The following ETV6 variants were observed in gnomAD, a reference collection of about 807,000 sequenced individuals.
ETV6 encodes the protein transcription factor ETV6.
A neutral mutation model predicts 51.1 loss-of-function variants in ETV6; 16 were observed. The observed-to-expected ratio is 0.31, with a 90% CI of 0.21 to 0.48. The LOEUF (loss-of-function observed/expected upper bound fraction) is 0.48. Ranked by LOEUF, ETV6 falls within the 20% of genes least tolerant of loss-of-function variation. The pLI, the probability that ETV6 is intolerant of heterozygous loss-of-function variation, is 0.99. For synonymous variants in ETV6, 240 were observed against 224.1 expected (o/e 1.07, Z -0.64); for missense variants, 458 against 594.8 (o/e 0.77, Z 2.39).
intron 1 of ETV6, among the ~76,000 whole-genome samples, chr12:11,651,979 AAG>A (rs1368785381): frequency 6.6e-6 from 1 of 152,148 alleles, no homozygotes; most frequent in Non-Finnish European, 1.5e-5. Flanking sequence ...CAGTCGGAAA[AAG>A]AGTACAACAG....
intron 4 of ETV6, among the ~76,000 whole-genome samples, chr12:11,865,612 A>G (rs1255845382): frequency 2.0e-5 from 3 of 148,352 alleles, no homozygotes; most frequent in African/African-American, 7.4e-5. Context: ...GCGTAGGCTT[A>G]TATATACTAT....
rs2710279 is a variant in ETV6 at position 11,795,930 on chromosome 12, A to G, written c.164-43210A>G. ...ACACAGCAAGGACTCAGTAAATGTT[A>G]GCCAAGAGGGGAGGAAGGAGGCTGC... On this transcript the variant is annotated intron_variant, in intron 2 of 7. Coordinates refer to ENST00000396373, the MANE Select transcript of ETV6 (RefSeq NM_001987.5). 1.0e-2 allele frequency among the ~76,000 whole-genome samples: 1,521 copies of G among 152,336 alleles called. 25 individuals are homozygous for G. Among genetic ancestry groups the G allele is most frequent in the African/African-American group, 0.035 (1,437 of 41,568 alleles).
At chr12:11,734,044 C>T (rs568242024) in intron 1 of ETV6, among the ~76,000 whole-genome samples, 248 of 152,312 alleles carry the variant, frequency 1.6e-3, no homozygotes, top group African/African-American at 5.7e-3. Flanking sequence ...GATGGATTAT[C>T]TGATTGCACC....
chr12:11,675,588 G>T (rs753225034), intron 1 of ETV6, among the ~76,000 whole-genome samples: 45 of 152,140 alleles, frequency 3.0e-4, no homozygotes, highest in Admixed American at 3.9e-4. Context: ...AAGGCAGGAG[G>T]ATCACTTGAA....
chr12:11,854,684 A>G (rs542252441), intron 4 of ETV6, among the ~76,000 whole-genome samples: 1 of 152,226 alleles, frequency 6.6e-6, no homozygotes, highest in African/African-American at 2.4e-5. Flanking sequence ...TTAGCTTGGA[A>G]CCAGAGTGTG....
At chr12:11,878,524 T>C (rs1218282367) in intron 5 of ETV6, among the ~76,000 whole-genome samples, 12 of 152,182 alleles carry the variant, frequency 7.9e-5, no homozygotes, top group Non-Finnish European at 1.0e-4. Context: ...CGGATACCGG[T>C]GTTTCCAAGC....
At chr12:11,749,872 A>T (rs1222599011) in intron 1 of ETV6, among the ~76,000 whole-genome samples, 1 of 152,166 alleles carries the variant, frequency 6.6e-6, no homozygotes, top group Non-Finnish European at 1.5e-5. Context: ...CTAGAAGCAC[A>T]TTGTGCATTT....
chr12:11,771,242 A>C (rs771869442), intron 2 of ETV6, among the ~76,000 whole-genome samples: 2 of 152,244 alleles, frequency 1.3e-5, no homozygotes. Flanking sequence ...CCCACTCCAC[A>C]CTGTAATTTT....
At chr12:11,737,868 C>CT (rs1455696619) in intron 1 of ETV6, among the ~76,000 whole-genome samples, 3 of 152,176 alleles carry the variant, frequency 2.0e-5, no homozygotes, top group African/African-American at 2.4e-5. Flanking sequence ...CCCCTGCCCA[C>CT]TTTTTTTGTA....
intron 1 of ETV6, among the ~76,000 whole-genome samples, chr12:11,693,262 A>G (rs1864803033): frequency 6.6e-6 from 1 of 152,122 alleles, no homozygotes; most frequent in Non-Finnish European, 1.5e-5. Context: ...GGCCGTGGCA[A>G]GTGGTTGGCT....
chr12:11,750,607 C>G (rs1003874360), intron 1 of ETV6, among the ~76,000 whole-genome samples: 1 of 152,150 alleles, frequency 6.6e-6, no homozygotes, highest in Non-Finnish European at 1.5e-5. Flanking sequence ...AAACAGAAAG[C>G]TATTTCCGAG....
intron 2 of ETV6, chr12:11,825,735 T>G (rs956630119): frequency 1.3e-5 from 2 of 152,168 alleles, no homozygotes; most frequent in African/African-American, 4.8e-5. Flanking sequence ...AAACAGGATT[T>G]GAATTTCGTT....
At chr12:11,780,341 A>C (rs1181442287) in intron 2 of ETV6, among the ~76,000 whole-genome samples, 2 of 152,162 alleles carry the variant, frequency 1.3e-5, no homozygotes, top group African/African-American at 4.8e-5. Flanking sequence ...ATCCTTTTTT[A>C]CTGCCCTGGG....
chr12:11,666,678 A>G (rs963219765), intron 1 of ETV6, among the ~76,000 whole-genome samples: 1 of 152,218 alleles, frequency 6.6e-6, no homozygotes, highest in African/African-American at 2.4e-5. Context: ...CCATTGAGGT[A>G]CAGCTGGGAT....
Position 11,890,958 on chromosome 12 carries a change from A to G in ETV6, c.1271A>G (p.Asp424Gly). ...RLLFRFMKTP[D>G]EIMSGRTDRL... ...TTCCAAAGGTTTATGAAAACCCCAG[A>G]TGAAATCATGAGTGGCCGAACAGAC... Residue 424 changes from aspartate to glycine, a missense_variant, in exon 8 of 8, where the codon GAT becomes GGT. Around this residue, in one of 4 missense-constraint regions of ETV6, gnomAD observed 55 missense variants for 151.2 expected, o/e 0.36. Coordinates refer to ENST00000396373, the MANE Select transcript of ETV6 (RefSeq NM_001987.5). 6.2e-7 allele frequency: 1 copy of G among 1,613,824 alleles called. No individual in the cohort carries two copies. Among genetic ancestry groups the G allele is most frequent in the South Asian group, 1.1e-5 (1 of 91,060 alleles).
chr12:11,718,691 T>C (rs1865326019), intron 1 of ETV6, among the ~76,000 whole-genome samples: 1 of 151,918 alleles, frequency 6.6e-6, no homozygotes, highest in South Asian at 2.1e-4. Context: ...GGAGGCTTGC[T>C]TTTAAGCCTG....
At chr12:11,777,560 C>A (rs1945348748) in intron 2 of ETV6, among the ~76,000 whole-genome samples, 1 of 151,928 alleles carries the variant, frequency 6.6e-6, no homozygotes, top group Admixed American at 6.6e-5. Context: ...TGTCAAAATG[C>A]AAATCTGGGC....
chr12:11,677,693 A>G (rs1397642760), intron 1 of ETV6, among the ~76,000 whole-genome samples: 1 of 152,218 alleles, frequency 6.6e-6, no homozygotes, highest in Non-Finnish European at 1.5e-5. Flanking sequence ...TTGCTGTGTA[A>G]TGTGGTTACA....
At chr12:11,821,249 C>A (rs1946076346) in intron 2 of ETV6, among the ~76,000 whole-genome samples, 1 of 151,914 alleles carries the variant, frequency 6.6e-6, no homozygotes, top group African/African-American at 2.4e-5. Context: ...ACCTGTAGTC[C>A]CAGCTTCTCG....
Sources: allele counts gnomAD v4.1 joint callset (sites outside exome capture counted in the v4.1 genomes callset), GRCh38; gene constraint gnomAD v4.1.1; regional missense constraint gnomAD v4.1.1; transcripts MANE v1.5; gene names NCBI Gene and HGNC (gene_info 2026-07-23, HGNC 2026-07-21).